ITGA6: variants seen among roughly 807,000 people sequenced by gnomAD.
ITGA6 encodes integrin alpha-6.
ITGA6 carries 63 observed loss-of-function variants against 133.6 expected under a neutral mutation model. The ratio of observed to expected loss-of-function variants is 0.47; its 90% CI spans 0.38 to 0.58. The LOEUF (loss-of-function observed/expected upper bound fraction) is 0.58, where lower values mean the gene tolerates loss of function less well. Ranked by LOEUF, ITGA6 falls within the 20% of genes least tolerant of loss-of-function variation. ITGA6 has a pLI of 0.00. For synonymous variants in ITGA6, 434 were observed against 482.0 expected (o/e 0.90, Z 1.30); for missense variants, 1,068 against 1,309.4 (o/e 0.82, Z 2.85).
At chr2:172,458,664 A>T (rs1685311240) in intron 1 of ITGA6, among the ~76,000 whole-genome samples, 1 of 152,126 alleles carries the variant, frequency 6.6e-6, no homozygotes. Context: ...CCAGAAATGG[A>T]CCTTTTTATA....
chr2:172,445,376 G>T (rs1351754517), intron 1 of ITGA6, among the ~76,000 whole-genome samples: 5 of 145,180 alleles, frequency 3.4e-5, no homozygotes, highest in Non-Finnish European at 6.0e-5. Flanking sequence ...AAGGCCGGGC[G>T]CGGTGGCTCA....
At chr2:172,474,379 T>C (rs1339166263) in intron 6 of ITGA6, 114 bp downstream of exon 6, 1 of 915,444 alleles carries the variant, frequency 1.1e-6, no homozygotes, top group Non-Finnish European at 1.8e-6. Flanking sequence ...ATATTTTTAT[T>C]GCCGCATTTT....
chr2:172,487,071 A>G lies in ITGA6; in HGVS notation c.1903A>G (p.Asn635Asp). ...GCGDDNVCNS[N>D]LKLEYKFCTR... ...TGGAGACGACAATGTATGTAACAGC[A>G]ACCTTAAACTAGAATATAAATTTTG... Residue 635 changes from asparagine (N) to aspartate (D), a missense_variant, in exon 14 of 26, where the codon AAC becomes GAC. Asn to Asp is a conservative substitution (Grantham distance 23). Transcript: ENST00000684293. The G allele has an allele frequency of 6.2e-7, 1 of 1,613,470 alleles. No homozygotes were observed. The highest frequency in any genetic ancestry group is 8.5e-7 in the Non-Finnish European group (1 of 1,179,394).
At chr2:172,444,940 G>A (rs1406486928) in intron 1 of ITGA6, among the ~76,000 whole-genome samples, 2 of 150,420 alleles carry the variant, frequency 1.3e-5, no homozygotes, top group Non-Finnish European at 2.9e-5. Flanking sequence ...AAGCGTTTAG[G>A]CATATAACTT....
intron 24 of ITGA6, among the ~76,000 whole-genome samples, chr2:172,500,843 G>A (rs1304738123): frequency 1.3e-5 from 2 of 152,186 alleles, no homozygotes; most frequent in South Asian, 2.1e-4. Context: ...TGGTTCACTT[G>A]AGGCACAGAG....
chr2:172,465,247 T>G, intron 1 of ITGA6: 1 of 477,952 alleles, frequency 2.1e-6, no homozygotes, highest in South Asian at 2.1e-5. Flanking sequence ...TTGAAGAGGG[T>G]GTCTTTTAAA....
At chr2:172,496,977 G>A (rs1008397724) in intron 23 of ITGA6, among the ~76,000 whole-genome samples, 4 of 152,152 alleles carry the variant, frequency 2.6e-5, no homozygotes, top group African/African-American at 9.7e-5. Flanking sequence ...TGGGTCCAGG[G>A]TCTAGTTTGT....
At chr2:172,480,310 T>A (rs9784126) in intron 11 of ITGA6, among the ~76,000 whole-genome samples, 2,302 of 152,318 alleles carry the variant, frequency 0.015, 53 homozygotes, top group African/African-American at 0.051. Flanking sequence ...AGTACTTATT[T>A]GCTACCACAA....
Position 172,427,669 on chromosome 2 carries a change from G to A in ITGA6, c.-120G>A. Reference sequence around the variant, plus strand: ...GCGACCCGTCCCGGGGGTGGGGCCGGGCGCAGCGGCGAGAGGAGGCGAAGG... The same window carrying A: ...GCGACCCGTCCCGGGGGTGGGGCCGAGCGCAGCGGCGAGAGGAGGCGAAGG... On this transcript the variant is annotated 5_prime_UTR_variant, in exon 1 of 26. Coordinates refer to ENST00000684293, the MANE Select transcript of ITGA6 (RefSeq NM_000210.4). 1 of 1,328,096 alleles carries A rather than the reference G, an allele frequency of 7.5e-7. No individual in the cohort carries two copies. 82.3% of individuals were successfully genotyped at this position (1,328,096 alleles called of 1,614,324 possible).
At chr2:172,499,216 C>G (rs534831201) in intron 24 of ITGA6, among the ~76,000 whole-genome samples, 2 of 152,180 alleles carry the variant, frequency 1.3e-5, no homozygotes, top group East Asian at 3.9e-4. Context: ...CTGATGTCTT[C>G]TAGACATGGG....
At position 172,474,224 on chromosome 2, in the gene ITGA6, A is replaced by AT; in HGVS notation, c.948dup (p.Gly317TrpfsTer3). The AT allele has an allele frequency of 6.2e-7, 1 of 1,614,120 alleles. No homozygotes were observed. Among genetic ancestry groups the AT allele is most frequent in the African/African-American group, 1.3e-5 (1 of 75,040 alleles). ...TCGATGGAGAAGGTCTGGCCTCTTCATTTGGCTATGATGTGGCGGTGGTGG... is the reference window on the plus strand; with the variant it reads ...TCGATGGAGAAGGTCTGGCCTCTTCATTTTGGCTATGATGTGGCGGTGGTGG... On this transcript the variant is annotated frameshift_variant, in exon 6 of 26. Coordinates refer to ENST00000684293, the MANE Select transcript of ITGA6 (RefSeq NM_000210.4). LOFTEE classifies it high-confidence loss of function.
intron 1 of ITGA6, among the ~76,000 whole-genome samples, chr2:172,445,415 C>T (rs1486136402): frequency 8.1e-5 from 12 of 148,056 alleles, no homozygotes; most frequent in Admixed American, 2.7e-4. Context: ...TTTGGGAGAC[C>T]GAGGCGGGCA....
chr2:172,500,413 G>A (rs910320055), intron 24 of ITGA6, among the ~76,000 whole-genome samples: 5 of 152,154 alleles, frequency 3.3e-5, no homozygotes, highest in African/African-American at 7.2e-5. Context: ...GGTGGATCAC[G>A]ACGTCAGGAG....
chr2:172,479,918 C>T (rs769394332), intron 10 of ITGA6, 72 bp from the exon 11 acceptor site: 2 of 1,117,782 alleles, frequency 1.8e-6, no homozygotes, highest in Non-Finnish European at 2.7e-6. Flanking sequence ...GATTGGAGAG[C>T]TAGGGAACAT....
At chr2:172,434,245 T>G (rs1351872939) in intron 1 of ITGA6, among the ~76,000 whole-genome samples, 1 of 152,154 alleles carries the variant, frequency 6.6e-6, no homozygotes, top group Non-Finnish European at 1.5e-5. Context: ...GCATTTAGAT[T>G]TGCAAACACT....
intron 1 of ITGA6, among the ~76,000 whole-genome samples, chr2:172,458,173 C>T (rs1291872631): frequency 6.6e-6 from 1 of 151,828 alleles, no homozygotes; most frequent in African/African-American, 2.4e-5. Context: ...TGGGGACAGG[C>T]AGATAGGGGA....
intron 1 of ITGA6, among the ~76,000 whole-genome samples, chr2:172,435,720 T>C (rs2148995751): frequency 1.3e-5 from 2 of 149,452 alleles, no homozygotes; most frequent in Middle Eastern, 6.8e-3. Context: ...TTGACCTCCT[T>C]GGGCTTAGGC....
chr2:172,443,033 T>C (rs1445712555), intron 1 of ITGA6, among the ~76,000 whole-genome samples: 1 of 152,214 alleles, frequency 6.6e-6, no homozygotes, highest in African/African-American at 2.4e-5. Context: ...ACTACAAAGA[T>C]GGAATGAAAG....
chr2:172,477,900 GTAGT>G (rs1686248289), intron 9 of ITGA6, among the ~76,000 whole-genome samples: 1 of 152,162 alleles, frequency 6.6e-6, no homozygotes, highest in South Asian at 2.1e-4. Context: ...GCACTTCAGG[GTAGT>G]TAGTAAATAA....
Sources: gnomAD v4.1 joint callset for allele counts (sites outside exome capture counted in the v4.1 genomes callset) on GRCh38, gnomAD v4.1.1 for gene constraint, MANE v1.5 for transcripts, NCBI Gene and HGNC (gene_info 2026-07-23, HGNC 2026-07-21) for gene names.